Variants in CDH17 observed in about 807,000 individuals in gnomAD.
CDH17 encodes cadherin 17, also known as cadherin-17.
CDH17 carries 67 observed loss-of-function variants against 86.3 expected under a neutral mutation model. The observed-to-expected ratio is 0.78, with a 90% CI of 0.64 to 0.95. The LOEUF (loss-of-function observed/expected upper bound fraction) is 0.95, where lower values mean the gene tolerates loss of function less well. Ranked by LOEUF, CDH17 falls within the 40% of genes least tolerant of loss-of-function variation. The pLI is 0.00. For missense variants in CDH17, 993 were observed against 1,017.6 expected (o/e 0.98, Z 0.33); for synonymous variants, 367 against 366.4 (o/e 1.00, Z -0.02).
At chr8:94,177,751 T>C (rs1020925180) in intron 3 of CDH17, 30 bp from the exon 4 acceptor site, 10 of 1,608,868 alleles carry the variant, frequency 6.2e-6, no homozygotes, top group Non-Finnish European at 8.5e-6. Flanking sequence ...CAGATTAAGT[T>C]GTAAGGGAAA....
intron 15 of CDH17, among the ~76,000 whole-genome samples, chr8:94,131,292 T>C (rs751103653): frequency 2.0e-5 from 3 of 152,262 alleles, no homozygotes; most frequent in Non-Finnish European, 4.4e-5. Context: ...TAATGAATGC[T>C]GAACCATTGC....
intron 10 of CDH17, among the ~76,000 whole-genome samples, chr8:94,162,863 G>A (rs1813081605): frequency 6.6e-6 from 1 of 152,132 alleles, no homozygotes; most frequent in South Asian, 2.1e-4. Context: ...CAGGATGCCT[G>A]GGGGAGAGAG....
intron 2 of CDH17, 66 bp downstream of exon 2, chr8:94,194,569 G>T: frequency 9.4e-7 from 1 of 1,059,436 alleles, no homozygotes; most frequent in Non-Finnish European, 1.5e-6. Flanking sequence ...TTTCCCTGGT[G>T]TGGGGTAGAA....
chr8:94,175,600 T>C (rs1447372435), intron 5 of CDH17, among the ~76,000 whole-genome samples: 4 of 152,208 alleles, frequency 2.6e-5, no homozygotes, highest in African/African-American at 4.8e-5. Context: ...TGTGTGCAAC[T>C]GTTAGGAGGT....
At chr8:94,139,681 T>C (rs1812598629) in intron 15 of CDH17, among the ~76,000 whole-genome samples, 1 of 152,038 alleles carries the variant, frequency 6.6e-6, no homozygotes, top group African/African-American at 2.4e-5. Context: ...GGCAGGCAGA[T>C]TACTTGAAGC....
intron 3 of CDH17, among the ~76,000 whole-genome samples, chr8:94,179,046 T>TAA (rs3033905): frequency 0.39 from 53,808 of 138,692 alleles, 10,695 homozygotes; most frequent in South Asian, 0.46. Flanking sequence ...GAATGTTTAT[T>TAA]AAAAAAAAAA....
At chr8:94,148,713 TTTTTTTTG>T (rs776539926) in intron 14 of CDH17, 23 bp downstream of exon 14, 108 of 1,401,090 alleles carry the variant, frequency 7.7e-5, no homozygotes, top group Middle Eastern at 3.7e-4. Flanking sequence ...CTGTGTTCCT[TTTTTTTTG>T]TTTTTTTTTT....
chr8:94,145,897 T>C (rs778774900), intron 15 of CDH17, 31 bp downstream of exon 15: 1 of 1,598,696 alleles, frequency 6.3e-7, no homozygotes, highest in Admixed American at 1.7e-5. Flanking sequence ...CATCCATCTA[T>C]GTTTTTTTCC....
chr8:94,159,800 G>T (rs139361837), intron 12 of CDH17, among the ~76,000 whole-genome samples, 171 bp downstream of exon 12: 2 of 152,012 alleles, frequency 1.3e-5, no homozygotes, highest in Non-Finnish European at 2.9e-5. Context: ...CTGACTTCCC[G>T]TCTGTCAGGA....
Position 94,190,717 on chromosome 8 carries a change from TG to T in CDH17, c.52-1433del, listed in dbSNP as rs1813672116. On this transcript the variant is annotated intron_variant, in intron 2 of 17. Coordinates refer to ENST00000027335, the MANE Select transcript of CDH17 (RefSeq NM_004063.4). ...GACAGATGTCCAGGTGCCACTAGGT[TG>T]GGGGAAAACCATTTATTTTCCAGTT... 2.0e-5 allele frequency among the ~76,000 whole-genome samples: 3 copies of T among 152,130 alleles called. No individual in the cohort carries two copies. In the South Asian group the frequency reaches 6.2e-4, roughly 32 times the overall value.
intron 9 of CDH17, among the ~76,000 whole-genome samples, chr8:94,166,474 G>T (rs545833270): frequency 3.7e-4 from 57 of 152,310 alleles, no homozygotes; most frequent in African/African-American, 1.3e-3. Context: ...GGTACTAGGG[G>T]TTAGAACTTC....
upstream of CDH17, among the ~76,000 whole-genome samples, chr8:94,210,905 C>T (rs1814111898): frequency 6.6e-6 from 1 of 151,528 alleles, no homozygotes; most frequent in Admixed American, 6.6e-5. Context: ...CCTGTAATCC[C>T]AGCTACTCAG....
chr8:94,147,433 T>C (rs1329217062), intron 14 of CDH17, among the ~76,000 whole-genome samples: 2 of 152,222 alleles, frequency 1.3e-5, no homozygotes, highest in Non-Finnish European at 2.9e-5. Context: ...TTATGATTCC[T>C]GTCTCTCTTC....
chr8:94,170,271 G>T, intron 9 of CDH17, 126 bp downstream of exon 9: 1 of 965,854 alleles, frequency 1.0e-6, no homozygotes, highest in Non-Finnish European at 1.6e-6. Flanking sequence ...CCAAGGTACA[G>T]TCAACCTCTA....
At chr8:94,177,563 T>G in intron 4 of CDH17, 24 bp downstream of exon 4, 5 of 1,613,068 alleles carry the variant, frequency 3.1e-6, no homozygotes, top group Non-Finnish European at 3.4e-6. Context: ...TGGAGTTAGA[T>G]CCCTTCAGCT....
chr8:94,176,732 T>C, intron 4 of CDH17, 53 bp from the exon 5 acceptor site: 1 of 1,548,554 alleles, frequency 6.5e-7, no homozygotes, highest in Middle Eastern at 1.7e-4. Flanking sequence ...TCATGTCACA[T>C]GCCCAAAAAT....
chr8:94,216,563 G>GTTTTTTTTTT (rs368207788), intron 1 of CDH17, among the ~76,000 whole-genome samples: 1 of 142,028 alleles, frequency 7.0e-6, no homozygotes. Flanking sequence ...CAGAGGGTTT[G>GTTTTTTTTTT]TTTTTTTTTT....
chr8:94,178,095 T>C (rs1404052650), intron 3 of CDH17, among the ~76,000 whole-genome samples: 1 of 152,182 alleles, frequency 6.6e-6, no homozygotes, highest in African/African-American at 2.4e-5. Flanking sequence ...CTTCTAAAAA[T>C]TGTGACAAAG....
intron 15 of CDH17, among the ~76,000 whole-genome samples, chr8:94,145,610 A>G (rs1270605974): frequency 6.6e-6 from 1 of 152,138 alleles, no homozygotes; most frequent in Admixed American, 6.6e-5. Context: ...TTGAATATAT[A>G]TATCTATCTC....
Sources: gnomAD v4.1 joint callset for allele counts (sites outside exome capture counted in the v4.1 genomes callset) on GRCh38, gnomAD v4.1.1 for gene constraint, MANE v1.5 for transcripts, NCBI Gene and HGNC (gene_info 2026-07-23, HGNC 2026-07-21) for gene names.